The following SNX22 variants were observed in gnomAD, a reference collection of about 807,000 sequenced individuals.
SNX22 encodes sorting nexin-22.
SNX22 carries 23 observed loss-of-function variants against 24.7 expected under a neutral mutation model. The observed-to-expected ratio is 0.93, with a 90% CI of 0.67 to 1.32. The LOEUF is 1.32. SNX22 is among the 40% of genes most tolerant of loss of function. SNX22 has a pLI of 0.00. For missense variants in SNX22, 261 were observed against 249.9 expected (o/e 1.04, Z -0.30); for synonymous variants, 99 against 104.0 (o/e 0.95, Z 0.29).
In SNX22 at chr15:64,155,989, C is replaced by G; in HGVS notation, c.*1481C>G. The G allele has an allele frequency of 6.2e-7, 1 of 1,614,032 alleles. No individual in the cohort carries two copies. The highest frequency in any genetic ancestry group is 8.5e-7 in the Non-Finnish European group (1 of 1,179,966). ...CCTGTGGCGGACTACAGGGCCTGCA[C>G]AGACGGTCACTCAAAGAAAGATGTC... On this transcript the variant is annotated 3_prime_UTR_variant, in exon 7 of 7. Coordinates refer to ENST00000325881, the MANE Select transcript of SNX22 (RefSeq NM_024798.3).
chr15:64,153,863 C>G, intron 5 of SNX22, 72 bp from the exon 6 acceptor site: 3 of 1,590,900 alleles, frequency 1.9e-6, no homozygotes, highest in Non-Finnish European at 2.6e-6. Flanking sequence ...TGATGGCAAC[C>G]CCGTCTCCAC....
At position 64,156,976 on chromosome 15, in the gene SNX22, A is replaced by T; in HGVS notation, c.*2468A>T. Reference sequence around the variant, plus strand: ...CCAAACCAAGCAGACATTCGGGGCCAGGACTGAGGGGGCTTAACCTGTCCT... The same window carrying T: ...CCAAACCAAGCAGACATTCGGGGCCTGGACTGAGGGGGCTTAACCTGTCCT... On this transcript the variant is annotated 3_prime_UTR_variant, in exon 7 of 7. Transcript: ENST00000325881. This position sits in a 1 kb window ranked among gnomAD's most constrained non-coding sequence, Gnocchi z 6.4. 6.5e-7 allele frequency: 1 copy of T among 1,533,050 alleles called. No individual in the cohort carries two copies. Among genetic ancestry groups the T allele is most frequent in the Admixed American group, 1.7e-5 (1 of 58,222 alleles). 95.0% of individuals were successfully genotyped at this position (1,533,050 alleles called of 1,614,324 possible).
At position 64,152,717 on chromosome 15, in the gene SNX22, G is replaced by C; in HGVS notation, c.239G>C (p.Arg80Pro). The C allele has an allele frequency of 1.2e-6, 2 of 1,614,198 alleles. No homozygotes were observed. The highest frequency in any genetic ancestry group is 1.7e-6 in the Non-Finnish European group (2 of 1,180,024). Residue 80 changes from arginine to proline, a missense_variant, in exon 3 of 7, where the codon CGG (arginine) becomes CCG (proline). Physicochemically the swap from Arg to Pro is moderately radical, Grantham distance 103. Transcript: ENST00000325881. ...NWRTRGLEQRRQGLEAYIQGI... is the reference protein window; with the variant it reads ...NWRTRGLEQRPQGLEAYIQGI... ...AGGACCAGAGGGTTGGAACAGCGCC[G>C]GCAGGGCTTGGAGGCTTACATCCAG...
Position 64,156,759 on chromosome 15 carries a change from T to C in SNX22, c.*2251T>C, listed in dbSNP as rs2081534829. The C allele has an allele frequency of 1.2e-6, 2 of 1,614,108 alleles. No individual in the cohort carries two copies. Among genetic ancestry groups the C allele is most frequent in the East Asian group, 2.2e-5 (1 of 44,902 alleles). On this transcript the variant is annotated 3_prime_UTR_variant, in exon 7 of 7. Coordinates refer to ENST00000325881, the MANE Select transcript of SNX22 (RefSeq NM_024798.3). This position sits in a 1 kb window ranked among gnomAD's most constrained non-coding sequence, Gnocchi z 6.4. ...TAGAACTTTGCCAAACACCACATGC[T>C]TGCCATCTAGCCAGGCTGTCTTGAC...
chr15:64,152,714 G>T lies in SNX22; in HGVS notation c.236G>T (p.Arg79Leu). The T allele has an allele frequency of 1.2e-6, 2 of 1,614,196 alleles. No individual in the cohort carries two copies. Among genetic ancestry groups the T allele is most frequent in the Non-Finnish European group, 1.7e-6 (2 of 1,180,022 alleles). The change falls in exon 3 of 7, where the codon CGC (arginine) becomes CTC (leucine). Residue 79 changes from arginine to leucine, a missense_variant. Arg to Leu is a moderately radical substitution (Grantham distance 102, BLOSUM62 -2). Transcript: ENST00000325881. ...TGGAGGACCAGAGGGTTGGAACAGC[G>T]CCGGCAGGGCTTGGAGGCTTACATC... ...PNWRTRGLEQ[R>L]RQGLEAYIQG...
intron 5 of SNX22, 60 bp downstream of exon 5, chr15:64,153,744 G>GAGGC (rs2081504445): frequency 1.2e-6 from 2 of 1,611,840 alleles, no homozygotes; most frequent in Non-Finnish European, 1.7e-6. Flanking sequence ...CATATGCTAG[G>GAGGC]AGGCAGGCCT....
intron 2 of SNX22, 98 bp downstream of exon 2, chr15:64,152,424 C>A: frequency 1.5e-6 from 2 of 1,320,854 alleles, no homozygotes; most frequent in Non-Finnish European, 2.1e-6. Flanking sequence ...GCCTCCGCCA[C>A]CCCCATTACT....
In SNX22 at chr15:64,154,625, A is replaced by C; in HGVS notation, c.*117A>C. The C allele has an allele frequency of 7.4e-7, 1 of 1,344,988 alleles. No homozygotes were observed. Among genetic ancestry groups the C allele is most frequent in the Non-Finnish European group, 1.0e-6 (1 of 983,250 alleles). 83.3% of individuals were successfully genotyped at this position (1,344,988 alleles called of 1,614,324 possible). A position where few individuals can be genotyped will look rare whatever the true frequency, so the allele number is the denominator to read the frequency against. On this transcript the variant is annotated 3_prime_UTR_variant, in exon 7 of 7. Transcript: ENST00000325881. ...CCCAGGACTTAATTACCCAGTGCCC[A>C]GTTGTGCCACATTCCCACTCAAGGC...
intron 6 of SNX22, 69 bp downstream of exon 6, chr15:64,154,071 C>T (rs771778612): frequency 6.2e-7 from 1 of 1,613,708 alleles, no homozygotes; most frequent in South Asian, 1.1e-5. Flanking sequence ...GCTCCTGGGA[C>T]CCTCAGACAG....
chr15:64,152,099 C>A, intron 1 of SNX22, 144 bp from the exon 2 acceptor site: 1 of 864,948 alleles, frequency 1.2e-6, no homozygotes, highest in Non-Finnish European at 1.6e-6. Flanking sequence ...TGTGCGGGAG[C>A]GGAGAGTCCC....
chr15:64,154,074 T>C (rs1422847086), intron 6 of SNX22, 72 bp downstream of exon 6: 1 of 1,613,564 alleles, frequency 6.2e-7, no homozygotes, highest in Non-Finnish European at 8.5e-7. Flanking sequence ...CCTGGGACCC[T>C]CAGACAGCAT....
At position 64,151,860 on chromosome 15, in the gene SNX22, GC is replaced by G; in HGVS notation, c.75+14del. 1 of 1,530,424 alleles carries G rather than the reference GC, an allele frequency of 6.5e-7. No homozygotes were observed. 94.8% of individuals were successfully genotyped at this position (1,530,424 alleles called of 1,614,324 possible). On this transcript the variant is annotated intron_variant, in intron 1 of 6. Transcript: ENST00000325881. ...GGAGAAAAGCCACATGGTGAGCGCG[GC>G]CCCTGGATGGGGAGGGGCGCCGGGA... is the stretch of plus-strand genomic sequence containing the variant.
chr15:64,153,137 T>C lies in SNX22; in HGVS notation c.265-108T>C, dbSNP rs549039801. ...AGCCTGGTTCAACGCTCTGCTGTCATTGTCGTGAAATTCTTTTTTTGGAAC... is the reference window on the plus strand; with the variant it reads ...AGCCTGGTTCAACGCTCTGCTGTCACTGTCGTGAAATTCTTTTTTTGGAAC... On this transcript the variant is annotated intron_variant, in intron 3 of 6. Coordinates refer to ENST00000325881, the MANE Select transcript of SNX22 (RefSeq NM_024798.3). 6.8e-5 allele frequency: 93 copies of C among 1,372,278 alleles called. No individual in the cohort carries two copies. In the African/African-American group the frequency reaches 8.3e-4, roughly 12 times the overall value. 85.0% of individuals were successfully genotyped at this position (1,372,278 alleles called of 1,614,324 possible).
chr15:64,152,354 C>A, intron 2 of SNX22, 28 bp downstream of exon 2: 1 of 1,493,522 alleles, frequency 6.7e-7, no homozygotes, highest in South Asian at 1.3e-5. Flanking sequence ...TCCCACCGGC[C>A]CCGGCCCAGC....
intron 2 of SNX22, 38 bp downstream of exon 2, chr15:64,152,364 C>A (rs1490910615): frequency 6.7e-7 from 1 of 1,488,370 alleles, no homozygotes. Context: ...CCCGGCCCAG[C>A]CTCTGTCCAG....
chr15:64,156,659 C>T lies in SNX22; in HGVS notation c.*2151C>T. 2 of 1,587,866 alleles carry T rather than the reference C, an allele frequency of 1.3e-6. No homozygotes were observed. Among genetic ancestry groups the T allele is most frequent in the Middle Eastern group, 1.7e-4 (1 of 6,004 alleles). On this transcript the variant is annotated 3_prime_UTR_variant, in exon 7 of 7. Transcript: ENST00000325881. The surrounding 1 kb of genome is among the most constrained non-coding windows in gnomAD (Gnocchi z 6.4). ...AAGGGATGGACACATGGAGCTCCTG[C>T]CCTGGGGTCTGTGTTGAATCCCCGG...
intron 3 of SNX22, chr15:64,153,038 C>T (rs2081498743): frequency 3.1e-6 from 2 of 648,738 alleles, no homozygotes; most frequent in Non-Finnish European, 5.3e-6. Context: ...AGGGTCCTTC[C>T]CCCAACAGCA....
rs776689664 is a variant in SNX22, at chr15:64,152,499, C to T, written c.160-139C>T. 2.5e-6 allele frequency: 3 copies of T among 1,206,808 alleles called. No homozygotes were observed. In the South Asian group the frequency reaches 3.9e-5, roughly 16 times the overall value. 74.8% of individuals were successfully genotyped at this position (1,206,808 alleles called of 1,614,324 possible). ...GTGGGTGGGTTGGGGCCTTCCTCGC[C>T]CTCGGCCGGTCCACCACTCACCAGG... is the stretch of plus-strand genomic sequence containing the variant. On this transcript the variant is annotated intron_variant, in intron 2 of 6. Transcript: ENST00000325881.
chr15:64,153,646 C>G lies in SNX22; in HGVS notation c.360-6C>G. 1.2e-6 allele frequency: 2 copies of G among 1,614,142 alleles called. No homozygotes were observed. The highest frequency in any genetic ancestry group is 1.7e-6 in the Non-Finnish European group (2 of 1,180,026). On this transcript the variant is annotated splice_polypyrimidine_tract_variant and splice_region_variant and intron_variant, in intron 4 of 6. Coordinates refer to ENST00000325881, the MANE Select transcript of SNX22 (RefSeq NM_024798.3). ...AGGCAGCTTACAGTGTTTCTCTTCT[C>G]TTCAGCACCCTGAGGGAGTTCCTGC...
Sources: allele counts gnomAD v4.1 joint callset, GRCh38; gene constraint gnomAD v4.1.1; non-coding constraint Gnocchi (gnomAD v3.1); transcripts MANE v1.5; gene names NCBI Gene and HGNC (gene_info 2026-07-23, HGNC 2026-07-21).